CSMD3: variants seen among roughly 807,000 people sequenced by gnomAD.
The protein encoded by CSMD3 is CUB and sushi domain-containing protein 3.
CSMD3 carries 177 observed loss-of-function variants against 435.2 expected under a neutral mutation model. The ratio of observed to expected loss-of-function variants is 0.41; its 90% CI spans 0.36 to 0.46. The LOEUF (loss-of-function observed/expected upper bound fraction) is 0.46. Among genes scored for constraint, CSMD3 ranks in the 20% least tolerant of loss-of-function variants. The pLI is 0.34. For missense variants in CSMD3, 4,265 were observed against 4,504.6 expected, an observed-to-expected ratio of 0.95 and a Z score of 1.52; for synonymous variants, 1,656 against 1,520.5, an observed-to-expected ratio of 1.09 and a Z score of -2.07.
intron 40 of CSMD3, among the ~76,000 whole-genome samples, chr8:112,347,330 A>T (rs982342883): frequency 6.6e-6 from 1 of 152,186 alleles, no homozygotes; most frequent in Admixed American, 6.5e-5. Context: ...TTAGATGAAG[A>T]ATCAAATTTC....
chr8:112,649,287 C>T (rs903198653), intron 19 of CSMD3, among the ~76,000 whole-genome samples: 1 of 152,160 alleles, frequency 6.6e-6, no homozygotes, highest in Non-Finnish European at 1.5e-5. Context: ...GGGTTTCTGT[C>T]ACTTACAATC....
chr8:112,576,218 TTCTA>T (rs907283473), intron 23 of CSMD3, among the ~76,000 whole-genome samples: 10 of 152,030 alleles, frequency 6.6e-5, no homozygotes, highest in Non-Finnish European at 4.4e-5. Flanking sequence ...TGAAATTTGT[TTCTA>T]ATTTCTTTAA....
intron 5 of CSMD3, among the ~76,000 whole-genome samples, chr8:113,050,182 T>C (rs1158180864): frequency 6.6e-6 from 1 of 152,082 alleles, no homozygotes; most frequent in African/African-American, 2.4e-5. Flanking sequence ...ATCTGAGTAA[T>C]GTATATATCT....
At chr8:112,793,757 G>T (rs1407970056) in intron 13 of CSMD3, among the ~76,000 whole-genome samples, 1 of 152,120 alleles carries the variant, frequency 6.6e-6, no homozygotes, top group Non-Finnish European at 1.5e-5. Flanking sequence ...TTGAATAGTT[G>T]GCTGCCTTTG....
intron 46 of CSMD3, among the ~76,000 whole-genome samples, chr8:112,319,399 T>C (rs1822779145): frequency 6.6e-6 from 1 of 152,148 alleles, no homozygotes; most frequent in Non-Finnish European, 1.5e-5. Flanking sequence ...TCTTCGTATA[T>C]AATTTTTTTT....
intron 61 of CSMD3, among the ~76,000 whole-genome samples, chr8:112,262,913 G>A (rs1349116887): frequency 6.6e-6 from 1 of 152,118 alleles, no homozygotes; most frequent in Non-Finnish European, 1.5e-5. Context: ...TCTGCATAAT[G>A]TCAAGGTCAT....
Position 112,556,971 on chromosome 8 carries a change from A to G in CSMD3, c.4043-17T>C. 1 of 1,581,838 alleles carries G rather than the reference A, an allele frequency of 6.3e-7. No individual in the cohort carries two copies. Among genetic ancestry groups the G allele is most frequent in the South Asian group, 1.1e-5 (1 of 90,320 alleles). ...GTTCAAAACCTGGGACAAAAATATA[A>G]ATTGATTAAAGGCAAAATTTAGGAG... On this transcript the variant is annotated splice_polypyrimidine_tract_variant and intron_variant, in intron 24 of 70. Coordinates refer to ENST00000297405, the MANE Select transcript of CSMD3 (RefSeq NM_198123.2).
chr8:113,192,614 T>G (rs1443523820), intron 3 of CSMD3, among the ~76,000 whole-genome samples: 3 of 151,652 alleles, frequency 2.0e-5, no homozygotes, highest in African/African-American at 7.3e-5. Flanking sequence ...CTCTCCCTTA[T>G]GGAAGTTTTC....
intron 22 of CSMD3, among the ~76,000 whole-genome samples, chr8:112,618,869 C>A (rs1426400301): frequency 6.6e-6 from 1 of 151,974 alleles, no homozygotes; most frequent in African/African-American, 2.4e-5. Flanking sequence ...GGGCTTAATT[C>A]ACTTCAAATA....
chr8:112,564,883 C>G (rs557936686), intron 24 of CSMD3, among the ~76,000 whole-genome samples: 8 of 152,060 alleles, frequency 5.3e-5, no homozygotes, highest in Admixed American at 2.6e-4. Flanking sequence ...CACAGCTTTT[C>G]TAAGCCACAC....
intron 9 of CSMD3, among the ~76,000 whole-genome samples, chr8:112,941,249 C>T (rs2083442472): frequency 6.6e-6 from 1 of 151,716 alleles, no homozygotes; most frequent in Non-Finnish European, 1.5e-5. Context: ...ATATTTGAAG[C>T]CAACTATGTG....
Position 112,244,479 on chromosome 8 carries a change from C to A in CSMD3, c.10317G>T (p.Gln3439His), listed in dbSNP as rs140261245. The A allele has an allele frequency of 5.6e-4, 901 of 1,613,816 alleles. No individual in the cohort carries two copies. The highest frequency in any genetic ancestry group is 6.9e-4 in the Non-Finnish European group (811 of 1,179,758). The change falls in exon 65 of 71, where the codon CAG (glutamine) becomes CAT (histidine). Residue 3439 changes from glutamine (Q) to histidine (H), a missense_variant. Transcript: ENST00000297405. ...TTCCACCTGCTAAGAAGAAGCCAGG[C>A]TGACAGGTATAAATCAGTGTATACC... ...SHGYTLIYTC[Q>H]PGFFLAGGTE... is the part of the protein sequence containing the mutation.
intron 13 of CSMD3, among the ~76,000 whole-genome samples, chr8:112,713,258 C>T (rs556356653): frequency 1.0e-3 from 156 of 151,928 alleles, no homozygotes; most frequent in African/African-American, 3.5e-3. Context: ...AGATCCCACT[C>T]GTGAGCCCAA....
intron 3 of CSMD3, among the ~76,000 whole-genome samples, chr8:113,194,815 C>A (rs10102884): frequency 0.019 from 2,849 of 151,390 alleles, 32 homozygotes; most frequent in Middle Eastern, 0.041. Flanking sequence ...CTGCTATAAT[C>A]TTTCACAGTG....
rs368235622 is a variant in CSMD3 at position 113,366,580 on chromosome 8, G to T, written c.179-51787C>A. On this transcript the variant is annotated intron_variant, in intron 1 of 70. Coordinates refer to ENST00000297405, the MANE Select transcript of CSMD3 (RefSeq NM_198123.2). ...TTAAAATGCAAATTTTCTTCATTTTGTCTTGTATCAGAATTGAGAAGAGCT... is the reference window on the plus strand; with the variant it reads ...TTAAAATGCAAATTTTCTTCATTTTTTCTTGTATCAGAATTGAGAAGAGCT... Among the ~76,000 whole-genome samples the T allele has an allele frequency of 9.2e-5, 14 of 152,110 alleles. No individual in the cohort carries two copies. The East Asian group carries it at 1.5e-3, about 17-fold the overall frequency.
chr8:112,918,119 TAAA>T (rs1287710345), intron 10 of CSMD3, among the ~76,000 whole-genome samples: 1 of 151,934 alleles, frequency 6.6e-6, no homozygotes, highest in Non-Finnish European at 1.5e-5. Flanking sequence ...TACAAAATAA[TAAA>T]AATAATTTTA....
At chr8:112,472,336 T>C (rs1034290374) in intron 32 of CSMD3, among the ~76,000 whole-genome samples, 1 of 152,184 alleles carries the variant, frequency 6.6e-6, no homozygotes, top group African/African-American at 2.4e-5. Context: ...GTTACTGATA[T>C]ACTCATTTTT....
Position 112,819,401 on chromosome 8 carries a change from A to G in CSMD3, c.1859+10285T>C, listed in dbSNP as rs561517973. Among the ~76,000 whole-genome samples the G allele has an allele frequency of 7.9e-5, 12 of 152,284 alleles. No homozygotes were observed. The East Asian group carries it at 2.3e-3, about 29-fold the overall frequency. On this transcript the variant is annotated intron_variant, in intron 12 of 70. Transcript: ENST00000297405. Reference sequence around the variant, plus strand: ...CCACATTCCAGCAGAGAAATCATATAAGTCTTAAAATTCAGGTTCACTCAA... The same window carrying G: ...CCACATTCCAGCAGAGAAATCATATGAGTCTTAAAATTCAGGTTCACTCAA...
At chr8:113,387,284 A>G (rs894477714) in intron 1 of CSMD3, among the ~76,000 whole-genome samples, 1 of 151,770 alleles carries the variant, frequency 6.6e-6, no homozygotes, top group Non-Finnish European at 1.5e-5. Context: ...CTGGAATGAG[A>G]TAATGTCTGT....
Sources: gnomAD v4.1 joint callset for allele counts (sites outside exome capture counted in the v4.1 genomes callset) on GRCh38, gnomAD v4.1.1 for gene constraint, MANE v1.5 for transcripts, NCBI Gene and HGNC (gene_info 2026-07-23, HGNC 2026-07-21) for gene names.